The following TEX9 variants were observed in gnomAD, a reference collection of about 807,000 sequenced individuals.
TEX9 encodes the protein testis expressed 9, also known as testis-expressed protein 9.
TEX9 carries 74 observed loss-of-function variants against 59.6 expected under a neutral mutation model. The ratio of observed to expected loss-of-function variants is 1.24; its 90% CI spans 1.03 to 1.51. The LOEUF (loss-of-function observed/expected upper bound fraction) is 1.51, where lower values mean the gene tolerates loss of function less well. TEX9 is among the 40% of genes most tolerant of loss of function. TEX9 has a pLI of 0.00. For missense variants in TEX9, 522 were observed against 447.8 expected, an observed-to-expected ratio of 1.17 and a Z score of -1.49; for synonymous variants, 186 against 152.2, an observed-to-expected ratio of 1.22 and a Z score of -1.64.
At chr15:56,272,942 T>TG (rs1567069495) in intron 1 of TEX9, among the ~76,000 whole-genome samples, 1 of 145,846 alleles carries the variant, frequency 6.9e-6, no homozygotes, top group East Asian at 2.3e-4. Flanking sequence ...TTATTTATTT[T>TG]TTTTGTTGTT....
At chr15:56,358,145 T>C (rs724099) in intron 1 of TEX9, among the ~76,000 whole-genome samples, 7,372 of 152,264 alleles carry the variant, frequency 0.048, 468 homozygotes, top group African/African-American at 0.15. Context: ...AGCTCTTCCA[T>C]ATTGCTGTTG....
At position 56,326,270 on chromosome 15, in the gene TEX9, A is replaced by T. The variant is rs1001391182; in HGVS notation, c.-106-47171A>T. Reference sequence around the variant, plus strand: ...CTATGGTTTTTTAAGTGTCATCGTGAATGCATTCCATTTTTTCTTGCGTGT... The same window carrying T: ...CTATGGTTTTTTAAGTGTCATCGTGTATGCATTCCATTTTTTCTTGCGTGT... On this transcript the variant is annotated intron_variant, in intron 1 of 5. Coordinates refer to the TEX9 transcript ENST00000560827. 2.3e-4 allele frequency among the ~76,000 whole-genome samples: 27 copies of T among 115,206 alleles called. 1 individual carries two copies. Among genetic ancestry groups the T allele is most frequent in the African/African-American group, 6.6e-4 (25 of 37,870 alleles). 75.6% of individuals were successfully genotyped at this position (115,206 alleles called of 152,430 possible).
intron 3 of TEX9, among the ~76,000 whole-genome samples, chr15:56,377,996 A>G (rs1460094805): frequency 1.3e-5 from 2 of 152,132 alleles, no homozygotes; most frequent in African/African-American, 4.8e-5. Flanking sequence ...TTTGTCCTTC[A>G]TTCTGTTGAT....
Position 56,305,421 on chromosome 15 carries a change from C to T in TEX9, c.-107+61143C>T, listed in dbSNP as rs568130438. Among the ~76,000 whole-genome samples, 5 of 152,196 alleles carry T rather than the reference C, an allele frequency of 3.3e-5. No individual in the cohort carries two copies. In the South Asian group the frequency reaches 8.3e-4, roughly 25 times the overall value. On this transcript the variant is annotated intron_variant, in intron 1 of 5. Transcript: ENST00000560827. Reference sequence around the variant, plus strand: ...ATCAAAACAGCATGGTACCTGCAAACAGACACATAGACCAAAGAAACAGAA... The same window carrying T: ...ATCAAAACAGCATGGTACCTGCAAATAGACACATAGACCAAAGAAACAGAA...
At chr15:56,436,070 A>G (rs1436325849) in intron 12 of TEX9, among the ~76,000 whole-genome samples, 1 of 152,150 alleles carries the variant, frequency 6.6e-6, no homozygotes, top group Admixed American at 6.6e-5. Flanking sequence ...AACCAAGGAT[A>G]TCCAGGAATT....
chr15:56,285,402 C>T (rs547908669), intron 1 of TEX9, among the ~76,000 whole-genome samples: 1 of 152,138 alleles, frequency 6.6e-6, no homozygotes, highest in African/African-American at 2.4e-5. Context: ...TGAGTACACA[C>T]CTTATACCCT....
chr15:56,299,880 TC>T (rs2045302259), intron 1 of TEX9, among the ~76,000 whole-genome samples: 1 of 152,036 alleles, frequency 6.6e-6, no homozygotes, highest in Admixed American at 6.6e-5. Context: ...CCCTGAATAA[TC>T]ATCAGTGGTA....
At chr15:56,444,397 A>G in intron 12 of TEX9, 1 of 1,492,756 alleles carries the variant, frequency 6.7e-7, no homozygotes, top group East Asian at 2.3e-5. Flanking sequence ...CCTGTGATAT[A>G]TCTAAAGTAA....
exon 6 of TEX9, chr15:56,389,388 A>C: frequency 6.2e-7 from 1 of 1,606,462 alleles, no homozygotes; most frequent in Non-Finnish European, 8.5e-7. Flanking sequence ...AAAGGAAGGA[A>C]AACAAATTCA....
intron 1 of TEX9, among the ~76,000 whole-genome samples, chr15:56,262,195 C>T (rs1396167660): frequency 1.3e-5 from 2 of 152,204 alleles, no homozygotes; most frequent in Admixed American, 1.3e-4. Flanking sequence ...GACAAAGTTC[C>T]AGCTGGCAAG....
intron 1 of TEX9, among the ~76,000 whole-genome samples, chr15:56,262,478 T>C (rs2044289148): frequency 6.6e-6 from 1 of 152,224 alleles, no homozygotes; most frequent in African/African-American, 2.4e-5. Context: ...CCTATGTGAT[T>C]TCAATACTTT....
chr15:56,325,075 A>G (rs2045994291), intron 1 of TEX9, among the ~76,000 whole-genome samples: 1 of 152,226 alleles, frequency 6.6e-6, no homozygotes, highest in Non-Finnish European at 1.5e-5. Context: ...TACACTGTGT[A>G]AGACAGCCTG....
At chr15:56,332,978 C>T (rs191810597) in intron 1 of TEX9, among the ~76,000 whole-genome samples, 1 of 152,052 alleles carries the variant, frequency 6.6e-6, no homozygotes, top group Non-Finnish European at 1.5e-5. Flanking sequence ...ATGAAGAAAT[C>T]CAAAACTTAA....
chr15:56,345,938 A>G (rs1339348266), intron 1 of TEX9, among the ~76,000 whole-genome samples: 1 of 152,186 alleles, frequency 6.6e-6, no homozygotes, highest in Non-Finnish European at 1.5e-5. Flanking sequence ...ATAATATGAA[A>G]GCGTTCATAA....
intron 12 of TEX9, among the ~76,000 whole-genome samples, chr15:56,433,093 C>A (rs2050641551): frequency 6.6e-6 from 1 of 152,110 alleles, no homozygotes; most frequent in South Asian, 2.1e-4. Context: ...TTCCCCTGGG[C>A]CACCAAATCA....
At chr15:56,315,323 G>A (rs1181503595) in intron 1 of TEX9, among the ~76,000 whole-genome samples, 1 of 145,250 alleles carries the variant, frequency 6.9e-6, no homozygotes, top group Non-Finnish European at 1.5e-5. Context: ...GCTTCCTTCA[G>A]GAGCTCTTGT....
chr15:56,267,808 T>C (rs907270115), intron 1 of TEX9, among the ~76,000 whole-genome samples: 1 of 152,152 alleles, frequency 6.6e-6, no homozygotes, highest in Admixed American at 6.5e-5. Flanking sequence ...CTTGGCAATG[T>C]GGGCTCTTTT....
At chr15:56,254,804 T>A (rs2044106242) in intron 1 of TEX9, among the ~76,000 whole-genome samples, 1 of 150,890 alleles carries the variant, frequency 6.6e-6, no homozygotes, top group South Asian at 2.1e-4. Context: ...CTTATAAATA[T>A]CACAAATATA....
At chr15:56,251,865 C>G (rs2044028230) in intron 1 of TEX9, among the ~76,000 whole-genome samples, 1 of 152,210 alleles carries the variant, frequency 6.6e-6, no homozygotes, top group South Asian at 2.1e-4. Context: ...AACAGACATA[C>G]AAGCGACGGC....
Sources: gnomAD v4.1 joint callset for allele counts (sites outside exome capture counted in the v4.1 genomes callset) on GRCh38, gnomAD v4.1.1 for gene constraint, MANE v1.5 for transcripts, NCBI Gene and HGNC (gene_info 2026-07-23, HGNC 2026-07-21) for gene names.